Variants in MARCHF1 observed in about 807,000 individuals in gnomAD.
The protein encoded by MARCHF1 is E3 ubiquitin-protein ligase MARCHF1.
Under a neutral mutation model 54.2 loss-of-function variants are expected in MARCHF1, and 40 were observed. The observed-to-expected ratio is 0.74, with a 90% confidence interval of 0.57 to 0.96. The LOEUF (loss-of-function observed/expected upper bound fraction) is 0.96. Ranked by LOEUF, MARCHF1 falls within the 40% of genes least tolerant of loss-of-function variation. The probability of loss-of-function intolerance (pLI) is 0.00; values close to 1 mark genes in which losing one functional copy is unlikely to be tolerated. For synonymous variants in MARCHF1, 236 were observed against 236.3 expected, an observed-to-expected ratio of 1.00 and a Z score of 0.01; for missense variants, 586 against 656.5, an observed-to-expected ratio of 0.89 and a Z score of 1.17.
chr4:164,148,862 G>A (rs1260488427), intron 1 of MARCHF1, among the ~76,000 whole-genome samples: 1 of 152,068 alleles, frequency 6.6e-6, no homozygotes, highest in Non-Finnish European at 1.5e-5. Context: ...TCTCACAAGT[G>A]CTGTCTCCTA....
intron 2 of MARCHF1, among the ~76,000 whole-genome samples, chr4:164,012,408 G>C (rs896907685): frequency 2.0e-5 from 3 of 152,078 alleles, no homozygotes; most frequent in Admixed American, 6.5e-5. Flanking sequence ...CCAGGTCTTT[G>C]CTCCTGGATG....
At position 163,528,958 on chromosome 4, in the gene MARCHF1, T is replaced by C. The variant is rs763517445; in HGVS notation, c.1428A>G (p.Lys476=). 2.1e-5 allele frequency: 34 copies of C among 1,613,228 alleles called. No individual in the cohort carries two copies. The highest frequency in any genetic ancestry group is 2.7e-5 in the Non-Finnish European group (32 of 1,179,516). ...GCCTGCGCCACAACTGAACATAGACTTTACACTGTACGTACATGAAGACAA... is the reference window on the plus strand; with the variant it reads ...GCCTGCGCCACAACTGAACATAGACCTTACACTGTACGTACATGAAGACAA... The part of the protein sequence containing the change: ...GGLVFMYVQC[K]VYVQLWRRLK... The change falls in exon 10 of 10, where the codon AAA becomes AAG. Residue 476 remains lysine, a synonymous_variant. Transcript: ENST00000514618.
At chr4:164,092,130 T>A (rs552554178) in intron 2 of MARCHF1, among the ~76,000 whole-genome samples, 1 of 152,166 alleles carries the variant, frequency 6.6e-6, no homozygotes, top group South Asian at 2.1e-4. Context: ...CAAGGACAAG[T>A]AATGAGGCTC....
At chr4:163,985,729 CTAATT>C (rs1193385466) in intron 3 of MARCHF1, among the ~76,000 whole-genome samples, 1 of 152,020 alleles carries the variant, frequency 6.6e-6, no homozygotes, top group Non-Finnish European at 1.5e-5. Context: ...TTTTAATTTA[CTAATT>C]TAAATTAATT....
At chr4:163,997,549 G>A (rs761537109) in intron 2 of MARCHF1, among the ~76,000 whole-genome samples, 1 of 151,892 alleles carries the variant, frequency 6.6e-6, no homozygotes, top group African/African-American at 2.4e-5. Flanking sequence ...TATTTTTAAA[G>A]GCTGGGTTCA....
intron 9 of MARCHF1, among the ~76,000 whole-genome samples, chr4:163,539,251 C>T (rs1454427345): frequency 6.6e-6 from 1 of 152,074 alleles, no homozygotes; most frequent in Admixed American, 6.5e-5. Context: ...GAACTCCTGA[C>T]CTTAAGTGAT....
chr4:163,643,029 T>A (rs1310590653), intron 5 of MARCHF1, among the ~76,000 whole-genome samples: 3 of 150,772 alleles, frequency 2.0e-5, no homozygotes, highest in Admixed American at 6.6e-5. Flanking sequence ...AGAGTCAGGG[T>A]TGGCCAGGCG....
At chr4:163,894,671 CATATATATGCATGTGATGCAT>C (rs1560807757) in intron 3 of MARCHF1, among the ~76,000 whole-genome samples, 13 of 918 alleles carry the variant, frequency 0.014, no homozygotes, top group African/African-American at 0.046. Flanking sequence ...GCATGTGATG[CATATATATGCATGTGATGCAT>C]ATATATATGC....
chr4:163,707,639 G>T (rs1027271828), intron 4 of MARCHF1, among the ~76,000 whole-genome samples: 5 of 151,572 alleles, frequency 3.3e-5, no homozygotes, highest in African/African-American at 1.2e-4. Context: ...CAATATCATT[G>T]AAAAAACATC....
At chr4:164,375,629 T>C (rs565125923) in intron 1 of MARCHF1, among the ~76,000 whole-genome samples, 23 of 152,176 alleles carry the variant, frequency 1.5e-4, no homozygotes, top group South Asian at 4.1e-4. Context: ...TGCAAATAGA[T>C]GGTCTGTATT....
At chr4:163,686,545 T>G (rs1744274850) in intron 5 of MARCHF1, among the ~76,000 whole-genome samples, 1 of 151,108 alleles carries the variant, frequency 6.6e-6, no homozygotes, top group Non-Finnish European at 1.5e-5. Context: ...AAATCTCCTT[T>G]AACTACCTTA....
At chr4:163,599,309 A>ATG (rs1740874473) in intron 7 of MARCHF1, among the ~76,000 whole-genome samples, 1 of 150,986 alleles carries the variant, frequency 6.6e-6, no homozygotes, top group Non-Finnish European at 1.5e-5. Context: ...ATATATATAT[A>ATG]TATGTTTTAT....
At chr4:163,556,801 T>C (rs188821329) in intron 8 of MARCHF1, among the ~76,000 whole-genome samples, 2 of 152,220 alleles carry the variant, frequency 1.3e-5, no homozygotes, top group East Asian at 3.9e-4. Context: ...GCATGATTAA[T>C]TGGCTCAATA....
chr4:163,978,913 G>C (rs894769178), intron 3 of MARCHF1, among the ~76,000 whole-genome samples: 1 of 151,742 alleles, frequency 6.6e-6, no homozygotes, highest in Non-Finnish European at 1.5e-5. Flanking sequence ...ATTTTATATA[G>C]ACAGGGTATC....
intron 1 of MARCHF1, among the ~76,000 whole-genome samples, chr4:164,337,762 G>A (rs112285721): frequency 2.2e-4 from 34 of 152,274 alleles, no homozygotes; most frequent in African/African-American, 7.5e-4. Flanking sequence ...CATGCAGCCA[G>A]CTGGCTTAAC....
chr4:163,603,429 G>A (rs571102511), intron 7 of MARCHF1, among the ~76,000 whole-genome samples: 1 of 152,124 alleles, frequency 6.6e-6, no homozygotes, highest in South Asian at 2.1e-4. Context: ...GCAGTCTGTG[G>A]CTTCCATAAA....
chr4:164,140,239 C>CTATA (rs70948702), intron 1 of MARCHF1, among the ~76,000 whole-genome samples: 6,714 of 147,082 alleles, frequency 0.046, 218 homozygotes, highest in African/African-American at 0.089. Context: ...TACACACACA[C>CTATA]TATATATATA....
chr4:163,771,555 C>T (rs1269579534), intron 4 of MARCHF1, among the ~76,000 whole-genome samples: 5 of 152,156 alleles, frequency 3.3e-5, no homozygotes, highest in Non-Finnish European at 1.5e-5. Context: ...CTCCCTCGGG[C>T]CTTTTCTGTA....
chr4:163,820,674 C>T (rs903557015), intron 4 of MARCHF1, among the ~76,000 whole-genome samples: 1 of 152,038 alleles, frequency 6.6e-6, no homozygotes, highest in African/African-American at 2.4e-5. Flanking sequence ...TCATCAAAGT[C>T]TACTAGTTGG....
Sources: allele counts gnomAD v4.1 joint callset (sites outside exome capture counted in the v4.1 genomes callset), GRCh38; gene constraint gnomAD v4.1.1; transcripts MANE v1.5; gene names NCBI Gene and HGNC (gene_info 2026-07-23, HGNC 2026-07-21).